The following FSTL4 variants were observed in gnomAD, a reference collection of about 807,000 sequenced individuals.
FSTL4 encodes follistatin-related protein 4.
A neutral mutation model predicts 78.2 loss-of-function variants in FSTL4; 28 were observed. The ratio of observed to expected loss-of-function variants is 0.36; its 90% CI spans 0.27 to 0.49. FSTL4 has a LOEUF of 0.49. FSTL4 is among the 20% of genes least tolerant of loss of function. FSTL4 has a pLI of 0.98. For missense variants in FSTL4, 922 were observed against 1,084.9 expected (o/e 0.85, Z 2.11); for synonymous variants, 422 against 440.5 (o/e 0.96, Z 0.53).
At chr5:133,518,062 G>C (rs189458371) in intron 3 of FSTL4, among the ~76,000 whole-genome samples, 218 of 152,220 alleles carry the variant, frequency 1.4e-3, no homozygotes, top group Admixed American at 5.2e-3. Context: ...TAGCCAAGTG[G>C]ACATACAAAA....
At chr5:133,462,060 C>A (rs1408276123) in intron 3 of FSTL4, among the ~76,000 whole-genome samples, 2 of 152,162 alleles carry the variant, frequency 1.3e-5, no homozygotes, top group African/African-American at 4.8e-5. Context: ...TTTCAAAAAC[C>A]ATCTGACCTC....
At chr5:133,772,738 T>C in the FSTL4 span, among the ~76,000 whole-genome samples, 93,226 of 151,912 alleles carry the variant, frequency 0.61, 28,970 homozygotes, top group Non-Finnish European at 0.67. Flanking sequence ...ACTTCCAAGA[T>C]AATGGTATTA....
chr5:133,259,592 A>G lies in FSTL4; in HGVS notation c.728-10016T>C, dbSNP rs59800947. Among the ~76,000 whole-genome samples the G allele has an allele frequency of 2.4e-3, 344 of 145,206 alleles. 1 individual carries two copies. The highest frequency in any genetic ancestry group is 8.4e-3 in the African/African-American group (324 of 38,562). Reference sequence around the variant, plus strand: ...GGAGTGCGCGGCACGATCTTGGCTCATGATCAGAAGGATTTTAAGTCAATC... The same window carrying G: ...GGAGTGCGCGGCACGATCTTGGCTCGTGATCAGAAGGATTTTAAGTCAATC... On this transcript the variant is annotated intron_variant, in intron 6 of 15. Transcript: ENST00000265342.
the FSTL4 span, among the ~76,000 whole-genome samples, chr5:133,782,602 C>T: frequency 6.6e-5 from 10 of 152,232 alleles, no homozygotes; most frequent in Non-Finnish European, 1.3e-4. Context: ...AGCTTCAGTA[C>T]CTCTTAACAA....
At chr5:133,636,318 T>C in the FSTL4 span, among the ~76,000 whole-genome samples, 1 of 152,072 alleles carries the variant, frequency 6.6e-6, no homozygotes, top group Non-Finnish European at 1.5e-5. Context: ...CTGAGTGGGA[T>C]AGAAAGGAAG....
Position 133,377,848 on chromosome 5 carries a change from A to G in FSTL4, c.409+22890T>C, listed in dbSNP as rs576359187. Among the ~76,000 whole-genome samples, 76 of 152,322 alleles carry G rather than the reference A, an allele frequency of 5.0e-4. 1 individual carries two copies. Among genetic ancestry groups the G allele is most frequent in the South Asian group, 3.3e-3 (16 of 4,824 alleles). On this transcript the variant is annotated intron_variant, in intron 4 of 15. Coordinates refer to ENST00000265342, the MANE Select transcript of FSTL4 (RefSeq NM_015082.2). ...CACAGAGATCCAGGTGCACTCTACT[A>G]AAAATATAGAAAACAAAGACAAAGA...
chr5:133,242,531 C>CTTCCCCTAAGGCT, intron 7 of FSTL4, among the ~76,000 whole-genome samples: 1 of 152,210 alleles, frequency 6.6e-6, no homozygotes. Flanking sequence ...GAGGCCAGGG[C>CTTCCCCTAAGGCT]TTCCCCTAAG....
At chr5:133,654,459 G>A in the FSTL4 span, among the ~76,000 whole-genome samples, 1 of 152,200 alleles carries the variant, frequency 6.6e-6, no homozygotes, top group Non-Finnish European at 1.5e-5. Context: ...AGACTCTTGA[G>A]TACAGTCCTC....
At chr5:133,363,299 T>C (rs1755110094) in intron 4 of FSTL4, among the ~76,000 whole-genome samples, 1 of 152,104 alleles carries the variant, frequency 6.6e-6, no homozygotes, top group Admixed American at 6.5e-5. Context: ...AGTGGGGGTG[T>C]TCCAGGAGGC....
intron 3 of FSTL4, among the ~76,000 whole-genome samples, chr5:133,408,160 A>C (rs1160905010): frequency 6.6e-6 from 1 of 152,150 alleles, no homozygotes; most frequent in Non-Finnish European, 1.5e-5. Context: ...CAAAGACGTA[A>C]CCCTCTAGCC....
chr5:133,710,658 C>T, the FSTL4 span, among the ~76,000 whole-genome samples: 3 of 152,192 alleles, frequency 2.0e-5, no homozygotes, highest in Admixed American at 1.3e-4. Context: ...TGCAGAGGTA[C>T]CCCTAGAGCT....
intron 3 of FSTL4, among the ~76,000 whole-genome samples, chr5:133,419,931 A>G (rs1419552139): frequency 6.6e-6 from 1 of 152,272 alleles, no homozygotes; most frequent in Non-Finnish European, 1.5e-5. Flanking sequence ...ATGAAAGACT[A>G]TGCTCACAAA....
At chr5:133,773,010 C>CTAT in the FSTL4 span, among the ~76,000 whole-genome samples, 2 of 151,624 alleles carry the variant, frequency 1.3e-5, no homozygotes, top group Middle Eastern at 3.4e-3. Context: ...TAAATGTTAA[C>CTAT]TATTATTATT....
the FSTL4 span, among the ~76,000 whole-genome samples, chr5:133,770,360 C>T: frequency 6.6e-6 from 1 of 152,142 alleles, no homozygotes; most frequent in East Asian, 1.9e-4. Flanking sequence ...TGTAAGTATA[C>T]TCTTTTTTCC....
chr5:133,475,952 G>A (rs964770203), intron 3 of FSTL4, among the ~76,000 whole-genome samples: 6 of 152,140 alleles, frequency 3.9e-5, no homozygotes, highest in East Asian at 1.9e-4. Flanking sequence ...GAGTCTGGGC[G>A]AATAAGGCTT....
At chr5:133,625,569 G>A in the FSTL4 span, among the ~76,000 whole-genome samples, 1 of 149,304 alleles carries the variant, frequency 6.7e-6, no homozygotes, top group Non-Finnish European at 1.5e-5. Context: ...ATAACTCTTT[G>A]TTTCATTGAT....
At chr5:133,773,842 T>A in the FSTL4 span, among the ~76,000 whole-genome samples, 1 of 152,146 alleles carries the variant, frequency 6.6e-6, no homozygotes, top group South Asian at 2.1e-4. Context: ...AAAAATAGAA[T>A]TTGAAGATTG....
At chr5:133,724,883 A>G in the FSTL4 span, among the ~76,000 whole-genome samples, 1 of 152,154 alleles carries the variant, frequency 6.6e-6, no homozygotes, top group African/African-American at 2.4e-5. Context: ...TTTCGAGTTG[A>G]CTTTTGTGCA....
At chr5:133,641,589 T>C in the FSTL4 span, among the ~76,000 whole-genome samples, 1,220 of 152,324 alleles carry the variant, frequency 8.0e-3, 14 homozygotes, top group African/African-American at 0.028. Flanking sequence ...TATATTTGCA[T>C]GTTTGTGTAT....
Sources: allele counts gnomAD v4.1 joint callset (sites outside exome capture counted in the v4.1 genomes callset), GRCh38; gene constraint gnomAD v4.1.1; transcripts MANE v1.5; gene names NCBI Gene and HGNC (gene_info 2026-07-23, HGNC 2026-07-21).